The following NFATC1 variants were observed in gnomAD, a reference collection of about 807,000 sequenced individuals.
The protein encoded by NFATC1 is nuclear factor of activated T cells 1.
Under a neutral mutation model 76.0 loss-of-function variants are expected in NFATC1, and 22 were observed. The observed-to-expected ratio is 0.29, with a 90% CI of 0.21 to 0.41. The LOEUF is 0.41. Ranked by LOEUF, NFATC1 falls within the 10% of genes least tolerant of loss-of-function variation. NFATC1 has a pLI of 1.00. For missense variants in NFATC1, 1,357 were observed against 1,337.7 expected, an observed-to-expected ratio of 1.01 and a Z score of -0.23; for synonymous variants, 704 against 613.1, an observed-to-expected ratio of 1.15 and a Z score of -2.19.
chr18:79,457,107 G>A (rs997167509), intron 6 of NFATC1, among the ~76,000 whole-genome samples: 4 of 152,232 alleles, frequency 2.6e-5, no homozygotes, highest in African/African-American at 7.2e-5. Context: ...CGTGTGCTCC[G>A]AGAGAGGAGA....
chr18:79,429,521 AC>A (rs2086516199), intron 2 of NFATC1, among the ~76,000 whole-genome samples: 1 of 151,850 alleles, frequency 6.6e-6, no homozygotes, highest in African/African-American at 2.4e-5. Flanking sequence ...CTGGTCAGAG[AC>A]CCCCGACTGA....
chr18:79,436,506 C>T (rs1375526584), intron 3 of NFATC1, among the ~76,000 whole-genome samples: 11 of 150,858 alleles, frequency 7.3e-5, no homozygotes, highest in Admixed American at 5.9e-4. Context: ...GCTGTGCCCC[C>T]GCGCCCGGTA....
intron 9 of NFATC1, chr18:79,496,213 C>T (rs1015397602): frequency 2.0e-5 from 3 of 152,646 alleles, no homozygotes; most frequent in Non-Finnish European, 4.4e-5. Flanking sequence ...TACCGCCATA[C>T]GTTTTCTCTT....
chr18:79,438,661 G>C (rs2086865959), intron 3 of NFATC1, among the ~76,000 whole-genome samples: 1 of 152,250 alleles, frequency 6.6e-6, no homozygotes, highest in Non-Finnish European at 1.5e-5. Flanking sequence ...GGCCAACTGA[G>C]TCTGCAAAGA....
chr18:79,401,868 C>G (rs1299520493), intron 1 of NFATC1, among the ~76,000 whole-genome samples: 3 of 152,238 alleles, frequency 2.0e-5, no homozygotes, highest in African/African-American at 7.2e-5. Context: ...CTGCCAGAAC[C>G]CAGGCCCTAC....
intron 9 of NFATC1, among the ~76,000 whole-genome samples, chr18:79,487,994 A>C (rs1196090352): frequency 6.6e-6 from 1 of 152,136 alleles, no homozygotes; most frequent in Non-Finnish European, 1.5e-5. Context: ...ACCTGGAGCC[A>C]CTGCCCACTC....
chr18:79,498,984 G>C (rs994754835), intron 9 of NFATC1, among the ~76,000 whole-genome samples: 4 of 152,198 alleles, frequency 2.6e-5, no homozygotes, highest in African/African-American at 7.2e-5. Flanking sequence ...AGAATTTGTT[G>C]CCAACAGACC....
chr18:79,494,938 A>T (rs1052387092), intron 9 of NFATC1, among the ~76,000 whole-genome samples: 1 of 149,474 alleles, frequency 6.7e-6, no homozygotes, highest in African/African-American at 2.5e-5. Context: ...CACGCCCCCC[A>T]TCAACCTGGT....
At position 79,486,368 on chromosome 18, in the gene NFATC1, C is replaced by A. The variant is rs150724243; in HGVS notation, c.2213C>A (p.Pro738His). 7.6e-5 allele frequency: 123 copies of A among 1,613,056 alleles called. No homozygotes were observed. In the African/African-American group the frequency reaches 1.4e-3, roughly 18 times the overall value. The stretch of plus-strand genomic sequence containing the variant: ...TACAGCCAGCAGCTCGCGATGCCAC[C>A]CGACCCCAGCTCCTGCCTCGTGGCC... ...PYYSQQLAMP[P>H]DPSSCLVAGF... Residue 738 changes from proline (P) to histidine (H), a missense_variant, in exon 9 of 10, where the codon CCC becomes CAC. This residue lies in a region of NFATC1 where 424 missense variants were observed against 395.4 expected (regional missense o/e 1.07). Transcript: ENST00000427363.
At chr18:79,426,252 TC>T (rs2086325830) in intron 2 of NFATC1, among the ~76,000 whole-genome samples, 1 of 149,426 alleles carries the variant, frequency 6.7e-6, no homozygotes, top group African/African-American at 2.5e-5. Flanking sequence ...TTTTTTTTCC[TC>T]CCCCTCTGTC....
intron 9 of NFATC1, among the ~76,000 whole-genome samples, chr18:79,507,063 G>T (rs1395590580): frequency 2.0e-5 from 3 of 152,208 alleles, no homozygotes; most frequent in African/African-American, 7.2e-5. Flanking sequence ...GCTGTGGCTG[G>T]GCTCTCTTTG....
intron 9 of NFATC1, among the ~76,000 whole-genome samples, chr18:79,507,839 C>T (rs1569040552): frequency 6.6e-6 from 1 of 152,256 alleles, no homozygotes; most frequent in Non-Finnish European, 1.5e-5. Flanking sequence ...TGGGAGCTTT[C>T]GGAGGAGCTG....
Position 79,486,291 on chromosome 18 carries a change from T to TC in NFATC1, c.2138dup (p.Thr714AsnfsTer120). 1 of 1,613,124 alleles carries TC rather than the reference T, an allele frequency of 6.2e-7. No individual in the cohort carries two copies. Among genetic ancestry groups the TC allele is most frequent in the Non-Finnish European group, 8.5e-7 (1 of 1,179,964 alleles). ...AACCCACTGATGATTATGAGCCTGC[T>TC]CCAACCTGTGGACCGGTGAGCCAGG... On this transcript the variant is annotated frameshift_variant, in exon 9 of 10. Coordinates refer to ENST00000427363, the MANE Select transcript of NFATC1 (RefSeq NM_001278669.2). LOFTEE classifies it high-confidence loss of function.
chr18:79,452,360 C>A (rs529366408), intron 6 of NFATC1, among the ~76,000 whole-genome samples: 56 of 152,326 alleles, frequency 3.7e-4, no homozygotes, highest in African/African-American at 1.3e-3. Context: ...ACCCCTGCCT[C>A]CAGGTGTTGC....
chr18:79,482,396 C>T (rs1407167039), intron 8 of NFATC1, among the ~76,000 whole-genome samples: 4 of 130,800 alleles, frequency 3.1e-5, no homozygotes, highest in African/African-American at 8.9e-5. Flanking sequence ...GTCACTCCAG[C>T]ATGACCTGGT....
chr18:79,458,529 G>A (rs2087871102), intron 6 of NFATC1, among the ~76,000 whole-genome samples: 1 of 152,230 alleles, frequency 6.6e-6, no homozygotes, highest in Non-Finnish European at 1.5e-5. Context: ...CCGCAGGCCT[G>A]CCTGTGTGGA....
chr18:79,460,796 C>T lies in NFATC1; in HGVS notation c.1904-515C>T, dbSNP rs117510283. ...TGGAGCCCCCGGCCCCCCGTCACTA[C>T]TCTCACACCTCCTGCATCCCTGGGA... is the stretch of plus-strand genomic sequence containing the variant. On this transcript the variant is annotated intron_variant, in intron 6 of 9. Coordinates refer to ENST00000427363, the MANE Select transcript of NFATC1 (RefSeq NM_001278669.2). 7.2e-5 allele frequency among the ~76,000 whole-genome samples: 11 copies of T among 152,318 alleles called. No homozygotes were observed. The South Asian group carries it at 8.3e-4, about 11-fold the overall frequency.
At chr18:79,437,804 C>T (rs567331593) in intron 3 of NFATC1, among the ~76,000 whole-genome samples, 7 of 152,300 alleles carry the variant, frequency 4.6e-5, no homozygotes, top group East Asian at 1.9e-4. Flanking sequence ...CAGGAGTTCG[C>T]GAGTGCTCTG....
At chr18:79,518,846 C>T (rs967577177) in intron 9 of NFATC1, among the ~76,000 whole-genome samples, 5 of 152,268 alleles carry the variant, frequency 3.3e-5, no homozygotes, top group African/African-American at 7.2e-5. Flanking sequence ...TGTAACAAGG[C>T]GGCCAGTGCC....
Sources: allele counts gnomAD v4.1 joint callset (sites outside exome capture counted in the v4.1 genomes callset), GRCh38; gene constraint gnomAD v4.1.1; regional missense constraint gnomAD v4.1.1; transcripts MANE v1.5; gene names NCBI Gene and HGNC (gene_info 2026-07-23, HGNC 2026-07-21).